Variants in REEP3 observed in about 807,000 individuals in gnomAD.
REEP3 encodes the protein receptor accessory protein 3.
Under a neutral mutation model 41.3 loss-of-function variants are expected in REEP3, and 20 were observed. The observed-to-expected ratio is 0.48, with a 90% CI of 0.34 to 0.70. The LOEUF (loss-of-function observed/expected upper bound fraction) is 0.70. Ranked by LOEUF, REEP3 falls within the 30% of genes least tolerant of loss-of-function variation. The pLI, the probability that REEP3 is intolerant of heterozygous loss-of-function variation, is 0.01. For synonymous variants in REEP3, 104 were observed against 101.8 expected (o/e 1.02, Z -0.13); for missense variants, 271 against 308.8 (o/e 0.88, Z 0.92).
At chr10:63,563,795 A>C (rs1307735427) in intron 1 of REEP3, among the ~76,000 whole-genome samples, 1 of 152,160 alleles carries the variant, frequency 6.6e-6, no homozygotes, top group South Asian at 2.1e-4. Context: ...AGTCACGTTG[A>C]TAGACTGTGT....
intron 2 of REEP3, among the ~76,000 whole-genome samples, chr10:63,585,539 T>A (rs536882270): frequency 6.6e-6 from 1 of 152,220 alleles, no homozygotes; most frequent in East Asian, 1.9e-4. Flanking sequence ...CATGAAAGCT[T>A]TGTGGGTGTA....
rs10995561 is a variant in REEP3, at chr10:63,571,537, C to T, written c.105+5127C>T. 8.6e-3 allele frequency among the ~76,000 whole-genome samples: 1,315 copies of T among 152,308 alleles called. 19 individuals are homozygous for T. The highest frequency in any genetic ancestry group is 0.031 in the African/African-American group (1,275 of 41,568). On this transcript the variant is annotated intron_variant, in intron 2 of 7. Coordinates refer to ENST00000373758, the MANE Select transcript of REEP3 (RefSeq NM_001001330.3). ...GGTTCTCTCTCTTCTGCCTCCTCTT[C>T]CACTTATAAGGACTCTTGTGATTAC...
intron 1 of REEP3, among the ~76,000 whole-genome samples, chr10:63,523,777 G>A (rs952362679): frequency 6.6e-6 from 1 of 152,248 alleles, no homozygotes; most frequent in Non-Finnish European, 1.5e-5. Flanking sequence ...AGGGACTCGG[G>A]TGGGGAAAAA....
chr10:63,575,059 T>A (rs1428091193), intron 2 of REEP3, among the ~76,000 whole-genome samples: 1 of 151,994 alleles, frequency 6.6e-6, no homozygotes, highest in Non-Finnish European at 1.5e-5. Context: ...TTTCACCATA[T>A]TGGCCAAGCT....
chr10:63,530,830 T>G (rs1375945938), intron 1 of REEP3, among the ~76,000 whole-genome samples: 4 of 152,210 alleles, frequency 2.6e-5, no homozygotes, highest in Non-Finnish European at 5.9e-5. Flanking sequence ...GATGTTATTG[T>G]TTTGATCATT....
intron 5 of REEP3, among the ~76,000 whole-genome samples, chr10:63,603,978 G>T (rs1589885841): frequency 2.6e-5 from 4 of 152,308 alleles, no homozygotes; most frequent in Middle Eastern, 6.8e-3. Context: ...AGGAGAAGCT[G>T]CAAGAAAGCC....
intron 2 of REEP3, among the ~76,000 whole-genome samples, chr10:63,575,235 A>G (rs940913850): frequency 2.6e-5 from 4 of 152,002 alleles, no homozygotes; most frequent in African/African-American, 9.7e-5. Flanking sequence ...ATTGTCTTTA[A>G]CTTCTGGTGT....
At position 63,622,606 on chromosome 10, in the gene REEP3, C is replaced by T. The variant is rs1033120940; in HGVS notation, c.*1737C>T. 1 of 151,924 alleles carries T rather than the reference C, an allele frequency of 6.6e-6. No homozygotes were observed. Among genetic ancestry groups the T allele is most frequent in the South Asian group, 2.1e-4 (1 of 4,798 alleles). 9.4% of individuals were successfully genotyped at this position (151,924 alleles called of 1,614,324 possible). A position where few individuals can be genotyped will look rare whatever the true frequency, so the allele number is the denominator to read the frequency against. The stretch of plus-strand genomic sequence containing the variant: ...TTCTTAATATAACTGTTACACTGTC[C>T]TTGTCTTTCCTACTCAAAGACAGTA... On this transcript the variant is annotated 3_prime_UTR_variant, in exon 8 of 8. Transcript: ENST00000373758.
intron 2 of REEP3, among the ~76,000 whole-genome samples, chr10:63,574,646 G>A (rs979048630): frequency 6.6e-6 from 1 of 152,114 alleles, no homozygotes; most frequent in Admixed American, 6.6e-5. Context: ...TTACTCTGGT[G>A]TTATTCACTA....
intron 5 of REEP3, among the ~76,000 whole-genome samples, chr10:63,607,980 G>A (rs1008738356): frequency 6.6e-6 from 1 of 152,164 alleles, no homozygotes; most frequent in Non-Finnish European, 1.5e-5. Context: ...CTTGGAAATC[G>A]CATGTGAATT....
chr10:63,606,270 T>TCTTC (rs1439646731), intron 5 of REEP3, among the ~76,000 whole-genome samples: 1 of 151,526 alleles, frequency 6.6e-6, no homozygotes, highest in East Asian at 1.9e-4. Context: ...TCTTTTTCTT[T>TCTTC]CTTTCTTTTT....
chr10:63,523,465 T>A (rs370046454), intron 1 of REEP3, among the ~76,000 whole-genome samples: 66 of 152,100 alleles, frequency 4.3e-4, no homozygotes, highest in African/African-American at 1.5e-3. Flanking sequence ...AGACCTTGTC[T>A]CCACAAAAAA....
chr10:63,601,183 G>A (rs1956168935), intron 5 of REEP3, among the ~76,000 whole-genome samples: 1 of 152,116 alleles, frequency 6.6e-6, no homozygotes, highest in Admixed American at 6.6e-5. Flanking sequence ...TTTAAATGAT[G>A]TAGAATCAGA....
At chr10:63,570,879 C>T (rs1215580188) in intron 2 of REEP3, among the ~76,000 whole-genome samples, 1 of 152,080 alleles carries the variant, frequency 6.6e-6, no homozygotes, top group East Asian at 1.9e-4. Flanking sequence ...CTTTGGGAGG[C>T]TGAAGCAGGC....
intron 1 of REEP3, among the ~76,000 whole-genome samples, chr10:63,556,607 T>C (rs1284374986): frequency 4.7e-5 from 4 of 86,012 alleles, no homozygotes; most frequent in Non-Finnish European, 6.8e-5. Flanking sequence ...TTGTTTTCTG[T>C]TTGCTTGTTT....
At chr10:63,603,312 C>CA (rs67364276) in intron 5 of REEP3, among the ~76,000 whole-genome samples, 37,503 of 62,656 alleles carry the variant, frequency 0.6, 10,498 homozygotes, top group South Asian at 0.63. Context: ...GACTCTGTCT[C>CA]AAAAAAAAAA....
At chr10:63,548,487 C>T (rs1421144865) in intron 1 of REEP3, among the ~76,000 whole-genome samples, 1 of 152,160 alleles carries the variant, frequency 6.6e-6, no homozygotes, top group African/African-American at 2.4e-5. Context: ...AGACACTCCC[C>T]TGCATAAGCA....
At chr10:63,612,593 C>T (rs1956284334) in intron 6 of REEP3, among the ~76,000 whole-genome samples, 2 of 151,870 alleles carry the variant, frequency 1.3e-5, no homozygotes, top group Non-Finnish European at 2.9e-5. Context: ...GAGTTCGAGA[C>T]CAGCCTGGCC....
intron 3 of REEP3, among the ~76,000 whole-genome samples, chr10:63,595,700 C>T (rs951255973): frequency 2.6e-5 from 4 of 152,262 alleles, no homozygotes; most frequent in African/African-American, 9.6e-5. Flanking sequence ...CCTCAGCCTC[C>T]CGAGTAGCTG....
Sources: gnomAD v4.1 joint callset for allele counts (sites outside exome capture counted in the v4.1 genomes callset) on GRCh38, gnomAD v4.1.1 for gene constraint, MANE v1.5 for transcripts, NCBI Gene and HGNC (gene_info 2026-07-23, HGNC 2026-07-21) for gene names.